The following TMEM178B variants were observed in gnomAD, a reference collection of about 807,000 sequenced individuals.
The protein encoded by TMEM178B is transmembrane protein 178B.
Under a neutral mutation model 31.0 loss-of-function variants are expected in TMEM178B, and 5 were observed. The ratio of observed to expected loss-of-function variants is 0.16; its 90% CI spans 0.08 to 0.34. The LOEUF (loss-of-function observed/expected upper bound fraction) is 0.34. TMEM178B is among the 10% of genes least tolerant of loss of function. The pLI is 1.00. For missense variants in TMEM178B, 275 were observed against 400.3 expected (o/e 0.69, Z 2.67); for synonymous variants, 164 against 164.0 (o/e 1.00, Z 0.00).
chr7:141,362,849 G>C lies in TMEM178B; in HGVS notation c.497-74759G>C, dbSNP rs546821999. Among the ~76,000 whole-genome samples, 19 of 152,306 alleles carry C rather than the reference G, an allele frequency of 1.2e-4. No individual in the cohort carries two copies. In the South Asian group the frequency reaches 3.9e-3, roughly 32 times the overall value. ...ACCCGGGCTGTAGCCATTTCTCCTG[G>C]AGCGACAGAGACACTCAGGGGTCAG... On this transcript the variant is annotated intron_variant, in intron 2 of 3. Coordinates refer to ENST00000565468, the MANE Select transcript of TMEM178B (RefSeq NM_001195278.2).
intron 2 of TMEM178B, among the ~76,000 whole-genome samples, chr7:141,237,278 T>C (rs4726432): frequency 0.4 from 61,568 of 152,040 alleles, 12,710 homozygotes; most frequent in East Asian, 0.66. Flanking sequence ...AAGGGAACAA[T>C]GTGAAATATA....
chr7:141,276,049 C>T (rs916906899), intron 2 of TMEM178B, among the ~76,000 whole-genome samples: 3 of 152,186 alleles, frequency 2.0e-5, no homozygotes, highest in African/African-American at 7.2e-5. Context: ...TTTTGATTAA[C>T]CTCAGTGCTC....
the TMEM178B span, among the ~76,000 whole-genome samples, chr7:141,499,646 C>A: frequency 3.3e-5 from 5 of 151,668 alleles, no homozygotes; most frequent in African/African-American, 7.3e-5. Flanking sequence ...CTTAAAAAAA[C>A]CAACAAAAAA....
chr7:141,209,891 C>A (rs1343399000), intron 1 of TMEM178B, among the ~76,000 whole-genome samples: 1 of 152,134 alleles, frequency 6.6e-6, no homozygotes, highest in Non-Finnish European at 1.5e-5. Flanking sequence ...GGGAGGTTCA[C>A]CTAGCTGGAG....
intron 2 of TMEM178B, among the ~76,000 whole-genome samples, chr7:141,363,630 T>C (rs1477608133): frequency 6.6e-6 from 1 of 152,192 alleles, no homozygotes; most frequent in Middle Eastern, 3.2e-3. Context: ...CGAAGAATTA[T>C]CCCCTTCTGT....
At chr7:141,396,572 G>A (rs1351718335) in intron 2 of TMEM178B, among the ~76,000 whole-genome samples, 1 of 152,218 alleles carries the variant, frequency 6.6e-6, no homozygotes, top group Non-Finnish European at 1.5e-5. Flanking sequence ...GACTAGAAAA[G>A]TTTCAACCCA....
chr7:141,355,781 A>G (rs1799808775), intron 2 of TMEM178B, among the ~76,000 whole-genome samples: 1 of 152,184 alleles, frequency 6.6e-6, no homozygotes, highest in African/African-American at 2.4e-5. Context: ...TGTGATGCTG[A>G]GGTTTGAGGT....
chr7:141,254,673 A>G (rs1456718955), intron 2 of TMEM178B, among the ~76,000 whole-genome samples: 1 of 152,122 alleles, frequency 6.6e-6, no homozygotes, highest in Non-Finnish European at 1.5e-5. Flanking sequence ...GTGAGCTGAG[A>G]TGGCGCCATT....
chr7:141,348,441 G>A (rs965215658), intron 2 of TMEM178B, among the ~76,000 whole-genome samples: 14 of 152,186 alleles, frequency 9.2e-5, no homozygotes, highest in Admixed American at 3.3e-4. Flanking sequence ...ACGGCATTCC[G>A]ACTGGGGAGT....
At chr7:141,398,495 C>T (rs1800697208) in intron 2 of TMEM178B, among the ~76,000 whole-genome samples, 1 of 152,152 alleles carries the variant, frequency 6.6e-6, no homozygotes. Flanking sequence ...CCCTCCTCTC[C>T]ACTTCTTTCC....
intron 1 of TMEM178B, among the ~76,000 whole-genome samples, chr7:141,135,339 C>T (rs1795658981): frequency 1.3e-5 from 2 of 152,134 alleles, no homozygotes; most frequent in South Asian, 4.1e-4. Flanking sequence ...AGAAAATCAA[C>T]AAAGAAACAC....
chr7:141,449,286 A>G (rs2116699575), intron 3 of TMEM178B, among the ~76,000 whole-genome samples: 1 of 152,242 alleles, frequency 6.6e-6, no homozygotes, highest in African/African-American at 2.4e-5. Flanking sequence ...AGCTGTTCCC[A>G]GGAAACAAGA....
intron 3 of TMEM178B, among the ~76,000 whole-genome samples, chr7:141,444,324 C>G (rs1801714617): frequency 1.3e-5 from 2 of 152,096 alleles, no homozygotes; most frequent in Admixed American, 6.5e-5. Context: ...TGTCTGTGCT[C>G]TTAATAAATA....
chr7:141,123,478 T>A (rs1267486485), intron 1 of TMEM178B, among the ~76,000 whole-genome samples: 1 of 152,168 alleles, frequency 6.6e-6, no homozygotes, highest in African/African-American at 2.4e-5. Context: ...GGCTGAAGTG[T>A]TTGCATTCAT....
At chr7:141,116,624 A>G (rs547216363) in intron 1 of TMEM178B, among the ~76,000 whole-genome samples, 3 of 150,882 alleles carry the variant, frequency 2.0e-5, no homozygotes, top group Admixed American at 6.6e-5. Context: ...CCATCCTCCC[A>G]TCATCTACAC....
At chr7:141,281,239 C>T (rs1798353905) in intron 2 of TMEM178B, among the ~76,000 whole-genome samples, 1 of 152,248 alleles carries the variant, frequency 6.6e-6, no homozygotes, top group South Asian at 2.1e-4. Flanking sequence ...AAGAAAATCA[C>T]GGAGTGGAAT....
intron 2 of TMEM178B, among the ~76,000 whole-genome samples, chr7:141,326,218 G>A (rs908242031): frequency 1.4e-4 from 21 of 152,042 alleles, no homozygotes; most frequent in Non-Finnish European, 2.9e-4. Context: ...TAGAAACTCA[G>A]GTAATTCTCT....
At chr7:141,426,701 G>A (rs988972162) in intron 2 of TMEM178B, among the ~76,000 whole-genome samples, 1 of 152,040 alleles carries the variant, frequency 6.6e-6, no homozygotes, top group African/African-American at 2.4e-5. Flanking sequence ...TCCAACTCAT[G>A]TACTTTTTCA....
In TMEM178B at chr7:141,074,433, C is replaced by T; in HGVS notation, c.123C>T (p.Asp41=). 1 of 1,536,136 alleles carries T rather than the reference C, an allele frequency of 6.5e-7. No homozygotes were observed. ...WYETDARKHR[D]RCKAFNTRRV... is the part of the protein sequence containing the mutation. ...AGACGGACGCCAGGAAGCACAGGGA[C>T]AGGTGCAAGGCCTTCAACACCCGCC... Residue 41 remains aspartate (D), a synonymous_variant, in exon 1 of 4, where the codon GAC becomes GAT. Transcript: ENST00000565468. This position sits in a 1 kb window ranked among gnomAD's most constrained non-coding sequence, Gnocchi z 5.1.
Sources: allele counts gnomAD v4.1 joint callset (sites outside exome capture counted in the v4.1 genomes callset), GRCh38; gene constraint gnomAD v4.1.1; non-coding constraint Gnocchi (gnomAD v3.1); transcripts MANE v1.5; gene names NCBI Gene and HGNC (gene_info 2026-07-23, HGNC 2026-07-21).